PRR16: variants seen among roughly 807,000 people sequenced by gnomAD.
PRR16 encodes the protein protein Largen.
Under a neutral mutation model 18.2 loss-of-function variants are expected in PRR16, and 6 were observed. The ratio of observed to expected loss-of-function variants is 0.33; its 90% CI spans 0.18 to 0.65. The LOEUF (loss-of-function observed/expected upper bound fraction) is 0.65, where lower values mean the gene tolerates loss of function less well. Ranked by LOEUF, PRR16 falls within the 30% of genes least tolerant of loss-of-function variation. The probability of loss-of-function intolerance (pLI) is 0.74; values close to 1 mark genes in which losing one functional copy is unlikely to be tolerated. For synonymous variants in PRR16, 151 were observed against 147.8 expected (o/e 1.02, Z -0.16); for missense variants, 412 against 376.6 (o/e 1.09, Z -0.78).
chr5:120,788,465 T>G, the PRR16 span, among the ~76,000 whole-genome samples: 12 of 152,114 alleles, frequency 7.9e-5, no homozygotes, highest in African/African-American at 2.7e-4. Context: ...TTCATACTAT[T>G]TAAGATTTTT....
the PRR16 span, among the ~76,000 whole-genome samples, chr5:120,760,964 G>T: frequency 6.6e-6 from 1 of 152,074 alleles, no homozygotes; most frequent in Non-Finnish European, 1.5e-5. Context: ...TTGTCCTACA[G>T]TTCTTGTTTC....
intron 1 of PRR16, among the ~76,000 whole-genome samples, chr5:120,493,593 A>G (rs1232948982): frequency 1.3e-5 from 2 of 152,308 alleles, no homozygotes; most frequent in East Asian, 1.9e-4. Flanking sequence ...GATCATGATC[A>G]GAATATTGAC....
chr5:120,702,311 G>C, the PRR16 span, among the ~76,000 whole-genome samples: 1 of 151,406 alleles, frequency 6.6e-6, no homozygotes, highest in African/African-American at 2.4e-5. Context: ...GAGATAAGAG[G>C]TCGGGGCATG....
chr5:120,651,055 C>G (rs187273832), intron 1 of PRR16, among the ~76,000 whole-genome samples: 10,610 of 152,140 alleles, frequency 0.07, 380 homozygotes, highest in South Asian at 0.086. Flanking sequence ...TTGTGGTTTT[C>G]ATTTGCATTT....
chr5:120,628,919 A>G (rs1008113447), intron 1 of PRR16, among the ~76,000 whole-genome samples: 6 of 152,048 alleles, frequency 3.9e-5, no homozygotes, highest in Admixed American at 3.9e-4. Flanking sequence ...GTACATGTGT[A>G]GTTTCATTAT....
intron 1 of PRR16, among the ~76,000 whole-genome samples, chr5:120,541,906 T>C (rs547815552): frequency 6.6e-6 from 1 of 152,166 alleles, no homozygotes; most frequent in East Asian, 1.9e-4. Context: ...CAGGCAGAAT[T>C]TACCCCCTTC....
chr5:120,481,190 C>A, intron 1 of PRR16: 1 of 894,522 alleles, frequency 1.1e-6, no homozygotes, highest in South Asian at 1.4e-5. Flanking sequence ...CTCTGTTGCC[C>A]AGGCTAGAGT....
chr5:120,575,318 A>AACACACACAC (rs3047956), intron 1 of PRR16, among the ~76,000 whole-genome samples: 11,660 of 138,022 alleles, frequency 0.084, 515 homozygotes, highest in Non-Finnish European at 0.097. Flanking sequence ...CAGACAAGGA[A>AACACACACAC]ACACACACAC....
At chr5:120,468,589 G>A (rs1310797785) in intron 1 of PRR16, among the ~76,000 whole-genome samples, 1 of 152,152 alleles carries the variant, frequency 6.6e-6, no homozygotes, top group Non-Finnish European at 1.5e-5. Flanking sequence ...CAAAGCAATT[G>A]CTTTTTAAAA....
At chr5:120,595,897 T>C (rs2112782242) in intron 1 of PRR16, among the ~76,000 whole-genome samples, 1 of 152,110 alleles carries the variant, frequency 6.6e-6, no homozygotes, top group East Asian at 1.9e-4. Context: ...AGTATTTCTA[T>C]CGTTAAAATT....
chr5:120,755,949 G>A, the PRR16 span, among the ~76,000 whole-genome samples: 2 of 152,096 alleles, frequency 1.3e-5, no homozygotes, highest in African/African-American at 2.4e-5. Context: ...ATTTTCTGGG[G>A]TTTAAATACC....
the PRR16 span, among the ~76,000 whole-genome samples, chr5:120,715,946 A>T: frequency 6.6e-6 from 1 of 152,082 alleles, no homozygotes; most frequent in Non-Finnish European, 1.5e-5. Context: ...TCTCTCCTTC[A>T]TGGAATTCTG....
At chr5:120,517,672 C>G (rs1210013407) in intron 1 of PRR16, among the ~76,000 whole-genome samples, 2 of 152,094 alleles carry the variant, frequency 1.3e-5, no homozygotes, top group Non-Finnish European at 2.9e-5. Flanking sequence ...GACAGTAGAG[C>G]TCCAAAATAT....
chr5:120,698,328 AAG>A, the PRR16 span, among the ~76,000 whole-genome samples: 1 of 152,090 alleles, frequency 6.6e-6, no homozygotes, highest in African/African-American at 2.4e-5. Flanking sequence ...TAAATGGAAT[AAG>A]AGAAGAAAAA....
intron 1 of PRR16, among the ~76,000 whole-genome samples, chr5:120,600,295 C>CT (rs1753941542): frequency 6.6e-6 from 1 of 151,724 alleles, no homozygotes; most frequent in East Asian, 1.9e-4. Flanking sequence ...TTTGACTTAT[C>CT]TTTTTTGTTT....
At chr5:120,665,727 T>C (rs1484517286) in intron 1 of PRR16, among the ~76,000 whole-genome samples, 2 of 152,208 alleles carry the variant, frequency 1.3e-5, no homozygotes, top group Non-Finnish European at 2.9e-5. Flanking sequence ...CCTTCCCCCA[T>C]TTCCTGTTTT....
the PRR16 span, chr5:120,781,154 CTGA>C: frequency 2.6e-5 from 4 of 151,786 alleles, no homozygotes; most frequent in East Asian, 7.8e-4. Context: ...TTTTTTCAAA[CTGA>C]TGATATTCTA....
intron 1 of PRR16, among the ~76,000 whole-genome samples, chr5:120,554,790 G>A (rs550472587): frequency 6.6e-5 from 10 of 152,006 alleles, no homozygotes; most frequent in African/African-American, 9.6e-5. Context: ...AAGTTAGGTT[G>A]GGATTCGAAG....
At chr5:120,691,879 C>T (rs1262690154), downstream of PRR16, among the ~76,000 whole-genome samples, 1 of 152,176 alleles carries the variant, frequency 6.6e-6, no homozygotes, top group African/African-American at 2.4e-5. Flanking sequence ...AAACACTCTT[C>T]GAAGGGTTTT....
Sources: gnomAD v4.1 joint callset for allele counts (sites outside exome capture counted in the v4.1 genomes callset) on GRCh38, gnomAD v4.1.1 for gene constraint, MANE v1.5 for transcripts, NCBI Gene and HGNC (gene_info 2026-07-23, HGNC 2026-07-21) for gene names.